NDST3: variants seen among roughly 807,000 people sequenced by gnomAD.
NDST3 encodes bifunctional heparan sulfate N-deacetylase/N-sulfotransferase 3.
In NDST3, 58 loss-of-function variants were observed where a neutral mutation model predicts 96.1. The observed-to-expected ratio is 0.60, with a 90% CI of 0.49 to 0.75. The LOEUF (loss-of-function observed/expected upper bound fraction) is 0.75. Ranked by LOEUF, NDST3 falls within the 30% of genes least tolerant of loss-of-function variation. NDST3 has a pLI of 0.00. For missense variants in NDST3, 788 were observed against 1,034.2 expected, an observed-to-expected ratio of 0.76 and a Z score of 3.27; for synonymous variants, 333 against 359.7, an observed-to-expected ratio of 0.93 and a Z score of 0.84.
At chr4:118,201,201 T>C (rs968643006) in intron 6 of NDST3, among the ~76,000 whole-genome samples, 2 of 152,236 alleles carry the variant, frequency 1.3e-5, no homozygotes, top group East Asian at 3.8e-4. Flanking sequence ...GGCAGCTAGG[T>C]TGATCCCATG....
chr4:118,135,608 A>G (rs774747370), intron 4 of NDST3, among the ~76,000 whole-genome samples: 1 of 152,200 alleles, frequency 6.6e-6, no homozygotes, highest in Non-Finnish European at 1.5e-5. Flanking sequence ...CTCATAGGTC[A>G]TTTGCCAAAA....
chr4:118,167,327 T>A (rs539887623), intron 6 of NDST3, among the ~76,000 whole-genome samples: 1 of 151,682 alleles, frequency 6.6e-6, no homozygotes, highest in South Asian at 2.1e-4. Context: ...TAAAAAAGAA[T>A]AAAATACATA....
chr4:118,044,968 GTT>G (rs1331087398), intron 1 of NDST3, among the ~76,000 whole-genome samples: 9 of 152,092 alleles, frequency 5.9e-5, no homozygotes, highest in Non-Finnish European at 4.4e-5. Context: ...TCCCAACACT[GTT>G]GCATTGGGAA....
intron 1 of NDST3, among the ~76,000 whole-genome samples, chr4:118,048,508 G>A (rs575734969): frequency 6.6e-6 from 1 of 152,102 alleles, no homozygotes; most frequent in East Asian, 1.9e-4. Context: ...GTACCCACAG[G>A]CGCAAAGTAA....
At position 118,258,564 on chromosome 4, in the gene NDST3, A is replaced by G. The variant is rs1490059548; in HGVS notation, c.*2852A>G. On this transcript the variant is annotated 3_prime_UTR_variant, in exon 14 of 14. Coordinates refer to ENST00000296499, the MANE Select transcript of NDST3 (RefSeq NM_004784.3). ...TTTTTCTCTGAGTTTTTTAAAATAA[A>G]AAACCTAGATATAATTCTGATAGTA... 2 of 152,164 alleles carry G rather than the reference A, an allele frequency of 1.3e-5. No homozygotes were observed. Among genetic ancestry groups the G allele is most frequent in the African/African-American group, 2.4e-5 (1 of 41,448 alleles). The allele number at this position is 152,164 out of a possible 1,614,324, so 9.4% of individuals were successfully genotyped here. A position where few individuals can be genotyped will look rare whatever the true frequency, so the allele number is the denominator to read the frequency against.
chr4:118,195,742 G>C (rs929081351), intron 6 of NDST3, among the ~76,000 whole-genome samples: 1 of 152,312 alleles, frequency 6.6e-6, no homozygotes, highest in Non-Finnish European at 1.5e-5. Context: ...AGTTCTAATA[G>C]TTTTTTGGTG....
At chr4:118,101,849 G>A (rs1209974546) in intron 2 of NDST3, among the ~76,000 whole-genome samples, 1 of 151,994 alleles carries the variant, frequency 6.6e-6, no homozygotes, top group African/African-American at 2.4e-5. Context: ...TACAACAATA[G>A]GATAAAATGG....
At chr4:118,119,401 G>GTGA (rs1465061482) in intron 4 of NDST3, among the ~76,000 whole-genome samples, 1 of 152,118 alleles carries the variant, frequency 6.6e-6, no homozygotes, top group Non-Finnish European at 1.5e-5. Flanking sequence ...TTTTATTTCA[G>GTGA]TGATGCACTT....
Position 118,087,940 on chromosome 4 carries a change from T to A in NDST3, c.982-17078T>A, listed in dbSNP as rs139721216. Among the ~76,000 whole-genome samples the A allele has an allele frequency of 3.3e-3, 500 of 152,192 alleles. 1 individual carries two copies. Among genetic ancestry groups the A allele is most frequent in the Non-Finnish European group, 5.5e-3 (375 of 67,968 alleles). ...GTTAGATTCAATTGGAGACTATCTC[T>A]CATAACAAGGAAACTCACCATATGA... On this transcript the variant is annotated intron_variant, in intron 2 of 13. Coordinates refer to ENST00000296499, the MANE Select transcript of NDST3 (RefSeq NM_004784.3).
At chr4:118,164,212 C>A (rs1578752845) in intron 6 of NDST3, among the ~76,000 whole-genome samples, 1 of 152,206 alleles carries the variant, frequency 6.6e-6, no homozygotes, top group East Asian at 1.9e-4. Flanking sequence ...GAGCTAGAGG[C>A]CATTATCCTT....
intron 2 of NDST3, among the ~76,000 whole-genome samples, chr4:118,089,040 GT>G (rs1452391867): frequency 6.6e-6 from 1 of 151,950 alleles, no homozygotes; most frequent in East Asian, 1.9e-4. Context: ...GGAAACATTT[GT>G]GGAAAAGGAA....
Position 118,055,114 on chromosome 4 carries a change from T to C in NDST3, c.981+223T>C, listed in dbSNP as rs557330363. ...TACTAAAAGATTGAGTGTGGCAGGA[T>C]CCTGAAATGGTTTTCTACATGTATT... On this transcript the variant is annotated intron_variant, in intron 2 of 13. Coordinates refer to ENST00000296499, the MANE Select transcript of NDST3 (RefSeq NM_004784.3). 517 of 592,820 alleles carry C rather than the reference T, an allele frequency of 8.7e-4. 2 individuals are homozygous for C. The highest frequency in any genetic ancestry group is 1.3e-3 in the Non-Finnish European group (437 of 341,890). 36.7% of individuals were successfully genotyped at this position (592,820 alleles called of 1,614,324 possible). A position where few individuals can be genotyped will look rare whatever the true frequency, so the allele number is the denominator to read the frequency against.
At chr4:118,219,662 C>G (rs187958165) in intron 6 of NDST3, among the ~76,000 whole-genome samples, 156 of 152,184 alleles carry the variant, frequency 1.0e-3, no homozygotes, top group African/African-American at 3.5e-3. Context: ...AAAGCAATGG[C>G]AACAAAAGCC....
At chr4:118,069,771 T>A (rs2125798697) in intron 2 of NDST3, among the ~76,000 whole-genome samples, 1 of 151,540 alleles carries the variant, frequency 6.6e-6, no homozygotes, top group Non-Finnish European at 1.5e-5. Flanking sequence ...TTTTGAGAAT[T>A]GTTTCTTGTC....
In NDST3 at chr4:118,252,683, G is replaced by A. The variant is rs180775048; in HGVS notation, c.2400-816G>A. Among the ~76,000 whole-genome samples, 38 of 152,310 alleles carry A rather than the reference G, an allele frequency of 2.5e-4. No individual in the cohort carries two copies. The East Asian group carries it at 6.4e-3, about 26-fold the overall frequency. ...AGACAGGCGGATCACCTGAGGTCAG[G>A]AGTTTGAGACCAGCCTGACCAACAT... is the stretch of plus-strand genomic sequence containing the variant. On this transcript the variant is annotated intron_variant, in intron 12 of 13. Transcript: ENST00000296499.
At position 118,054,904 on chromosome 4, in the gene NDST3, T is replaced by G; in HGVS notation, c.981+13T>G. ...CAATGATGTAAAGGTAAGGCTCTAT[T>G]TTCTCAAGTTTCAAAGTTCAGTTCA... On this transcript the variant is annotated intron_variant, in intron 2 of 13. Transcript: ENST00000296499. 1 of 1,604,880 alleles carries G rather than the reference T, an allele frequency of 6.2e-7. No individual in the cohort carries two copies.
In NDST3 at chr4:118,054,354, C is replaced by G. The variant is rs762091929; in HGVS notation, c.444C>G (p.Ser148Arg). Reference sequence around the variant, plus strand: ...TAAATATGGATTCCTGGAATCGAAGCCTTCTAGATAAATACTGTGTAGAAT... The same window carrying G: ...TAAATATGGATTCCTGGAATCGAAGGCTTCTAGATAAATACTGTGTAGAAT... ...KYINMDSWNR[S>R]LLDKYCVEYG... The change falls in exon 2 of 14, where the codon AGC becomes AGG. Residue 148 changes from serine to arginine, a missense_variant. Physicochemically the swap from Ser to Arg is moderately radical, Grantham distance 110 (BLOSUM62 -1). This residue lies in a region of NDST3 where 234 missense variants were observed against 256.9 expected (regional missense o/e 0.91). Coordinates refer to ENST00000296499, the MANE Select transcript of NDST3 (RefSeq NM_004784.3). 2 of 1,612,426 alleles carry G rather than the reference C, an allele frequency of 1.2e-6. No homozygotes were observed. Among genetic ancestry groups the G allele is most frequent in the South Asian group, 1.1e-5 (1 of 90,992 alleles).
intron 6 of NDST3, among the ~76,000 whole-genome samples, chr4:118,202,188 C>T (rs1441519172): frequency 1.3e-5 from 2 of 151,982 alleles, no homozygotes; most frequent in Admixed American, 1.3e-4. Context: ...TTACTGTAGC[C>T]TTATAGTAGT....
In NDST3 at chr4:118,061,831, T is replaced by C. The variant is rs78358607; in HGVS notation, c.981+6940T>C. Among the ~76,000 whole-genome samples, 193 of 152,292 alleles carry C rather than the reference T, an allele frequency of 1.3e-3. 8 individuals carry two copies. The East Asian group carries it at 0.027, about 21-fold the overall frequency. ...CTGAATTAAATTTAAAGGAGTTTAA[T>C]TGAGCAATGAACAATTCATGAATCA... is the stretch of plus-strand genomic sequence containing the variant. On this transcript the variant is annotated intron_variant, in intron 2 of 13. Coordinates refer to ENST00000296499, the MANE Select transcript of NDST3 (RefSeq NM_004784.3).
Sources: allele counts gnomAD v4.1 joint callset (sites outside exome capture counted in the v4.1 genomes callset), GRCh38; gene constraint gnomAD v4.1.1; regional missense constraint gnomAD v4.1.1; transcripts MANE v1.5; gene names NCBI Gene and HGNC (gene_info 2026-07-23, HGNC 2026-07-21).